DOCK7: variants seen among roughly 807,000 people sequenced by gnomAD.
DOCK7 encodes dedicator of cytokinesis 7.
A neutral mutation model predicts 271.0 loss-of-function variants in DOCK7; 138 were observed. The observed-to-expected ratio is 0.51, with a 90% CI of 0.44 to 0.59. The LOEUF (loss-of-function observed/expected upper bound fraction) is 0.59, where lower values mean the gene tolerates loss of function less well. Among genes scored for constraint, DOCK7 ranks in the 20% least tolerant of loss-of-function variants. The pLI is 0.00. For missense variants in DOCK7, 2,066 were observed against 2,592.4 expected (o/e 0.80, Z 4.41); for synonymous variants, 823 against 876.1 (o/e 0.94, Z 1.07).
rs145099172 is a variant in DOCK7, at chr1:62,470,274, C to T, written c.6212+3708G>A. ...TAAATAGCATTCACAGCAACCTGTA[C>T]GGGATTAGAGATTATTTATTCTAAG... is the stretch of plus-strand genomic sequence containing the variant. On this transcript the variant is annotated intron_variant, in intron 48 of 49. Transcript: ENST00000635253. Among the ~76,000 whole-genome samples, 452 of 152,232 alleles carry T rather than the reference C, an allele frequency of 3.0e-3. 4 individuals carry two copies. The highest frequency in any genetic ancestry group is 0.01 in the African/African-American group (430 of 41,532).
chr1:62,493,747 T>G (rs1646534176), intron 40 of DOCK7, among the ~76,000 whole-genome samples: 1 of 152,338 alleles, frequency 6.6e-6, no homozygotes, highest in South Asian at 2.1e-4. Flanking sequence ...ATCTCAAACC[T>G]ACTATTAACA....
At chr1:62,536,555 AAG>A (rs1244124278) in intron 28 of DOCK7, among the ~76,000 whole-genome samples, 8 of 152,218 alleles carry the variant, frequency 5.3e-5, no homozygotes, top group Non-Finnish European at 1.0e-4. Flanking sequence ...AGCCAGACTG[AAG>A]AGTTTGTGGA....
intron 7 of DOCK7, among the ~76,000 whole-genome samples, chr1:62,637,363 T>C (rs1176816121): frequency 6.6e-6 from 1 of 152,206 alleles, no homozygotes; most frequent in Admixed American, 6.5e-5. Context: ...TAATATATAA[T>C]GTGAGGTTAA....
intron 14 of DOCK7, chr1:62,604,916 GA>G (rs748061933): frequency 2.0e-4 from 264 of 1,291,784 alleles, no homozygotes; most frequent in Non-Finnish European, 2.8e-4. Context: ...GAAAGCTTGA[GA>G]AATAGATTTT....
intron 14 of DOCK7, chr1:62,604,314 A>G (rs1484581859): frequency 1.5e-5 from 23 of 1,546,718 alleles, no homozygotes; most frequent in Non-Finnish European, 1.9e-5. Flanking sequence ...ATCTGCAATG[A>G]CAACTTTTAA....
At position 62,634,935 on chromosome 1, in the gene DOCK7, A is replaced by G; in HGVS notation, c.886-13T>C. On this transcript the variant is annotated splice_polypyrimidine_tract_variant and intron_variant, in intron 8 of 49. Transcript: ENST00000635253. ...AGTTTTCTGAAATCTAAAAAATATT[A>G]GTATGTTAAACTTTAAAATATGTAC... 1 of 1,564,442 alleles carries G rather than the reference A, an allele frequency of 6.4e-7. No individual in the cohort carries two copies. Among genetic ancestry groups the G allele is most frequent in the Non-Finnish European group, 8.8e-7 (1 of 1,141,502 alleles).
chr1:62,551,001 A>G (rs539039110), intron 22 of DOCK7, among the ~76,000 whole-genome samples: 2 of 152,246 alleles, frequency 1.3e-5, no homozygotes, highest in East Asian at 3.9e-4. Context: ...GATTACAGGC[A>G]TGAGCCACCA....
chr1:62,614,630 A>G (rs1347036516), intron 14 of DOCK7, among the ~76,000 whole-genome samples: 1 of 151,996 alleles, frequency 6.6e-6, no homozygotes, highest in Non-Finnish European at 1.5e-5. Context: ...AAAAACAATA[A>G]CAACTTCTAT....
At chr1:62,649,098 CAGTT>C (rs1385589160) in intron 4 of DOCK7, among the ~76,000 whole-genome samples, 3 of 152,040 alleles carry the variant, frequency 2.0e-5, no homozygotes, top group Non-Finnish European at 4.4e-5. Context: ...CATATATACA[CAGTT>C]AGCTAAAAAC....
chr1:62,668,440 T>C (rs758777191), intron 1 of DOCK7, among the ~76,000 whole-genome samples: 3 of 152,232 alleles, frequency 2.0e-5, no homozygotes. Context: ...CTGTAAAATA[T>C]ATTTTGGGGG....
intron 44 of DOCK7, chr1:62,477,177 T>C (rs1057110628): frequency 3.3e-5 from 5 of 152,124 alleles, no homozygotes; most frequent in African/African-American, 1.2e-4. Context: ...CAGAAAATAC[T>C]AGTTAGCCCA....
intron 1 of DOCK7, among the ~76,000 whole-genome samples, chr1:62,676,563 T>C (rs1007255527): frequency 5.3e-5 from 8 of 152,032 alleles, no homozygotes; most frequent in African/African-American, 1.9e-4. Flanking sequence ...TTTCTAAGGA[T>C]CTGGGTTGGA....
intron 14 of DOCK7, chr1:62,597,670 C>A: frequency 6.2e-7 from 1 of 1,613,484 alleles, no homozygotes; most frequent in South Asian, 1.1e-5. Context: ...GAGCCAAAAT[C>A]AAGATTTGCT....
chr1:62,480,917 G>A (rs1426698172), intron 43 of DOCK7, among the ~76,000 whole-genome samples: 1 of 146,514 alleles, frequency 6.8e-6, no homozygotes, highest in Non-Finnish European at 1.5e-5. Context: ...GCTGAGGCAC[G>A]AGAATGGCGT....
intron 14 of DOCK7, chr1:62,601,176 T>C: frequency 6.2e-7 from 1 of 1,605,804 alleles, no homozygotes; most frequent in Non-Finnish European, 8.5e-7. Flanking sequence ...TTGAATGAAA[T>C]AAGAAATGTA....
chr1:62,639,428 T>C (rs1482237723), intron 7 of DOCK7, among the ~76,000 whole-genome samples: 1 of 119,424 alleles, frequency 8.4e-6, no homozygotes, highest in Non-Finnish European at 1.7e-5. Context: ...GTAATACTCT[T>C]TTTTTTTTTT....
chr1:62,539,856 T>G lies in DOCK7; in HGVS notation c.3082A>C (p.Lys1028Gln), dbSNP rs763072939. 1 of 1,613,204 alleles carries G rather than the reference T, an allele frequency of 6.2e-7. No individual in the cohort carries two copies. Among genetic ancestry groups the G allele is most frequent in the East Asian group, 2.2e-5 (1 of 44,802 alleles). ...CGACTTTTCCTTGGAGCCTCAAGTT[T>G]ATCATTAAAGTATAAATGGTGCACC... ...SMVHHLYFNDKLEAPRKSRFP... is the reference protein window; with the variant it reads ...SMVHHLYFNDQLEAPRKSRFP... The change falls in exon 26 of 50, where the codon AAA (lysine) becomes CAA (glutamine). Residue 1028 changes from lysine to glutamine, a missense_variant. This residue lies in a region of DOCK7 where 1,414 missense variants were observed against 1,670.4 expected (regional missense o/e 0.85). Transcript: ENST00000635253.
At chr1:62,573,062 A>C (rs1187455981) in intron 18 of DOCK7, among the ~76,000 whole-genome samples, 3 of 152,230 alleles carry the variant, frequency 2.0e-5, no homozygotes, top group Admixed American at 2.0e-4. Context: ...AGTAAATAAA[A>C]CAGAATTAAA....
At position 62,539,885 on chromosome 1, in the gene DOCK7, C is replaced by A; in HGVS notation, c.3053G>T (p.Ser1018Ile). Residue 1018 changes from serine to isoleucine, a missense_variant, in exon 26 of 50, where the codon AGC (serine) becomes ATC (isoleucine). Ser to Ile is a moderately radical substitution (Grantham distance 142, BLOSUM62 -2). This residue lies in a region of DOCK7 where 1,414 missense variants were observed against 1,670.4 expected (regional missense o/e 0.85). Transcript: ENST00000635253. ...AWFFFELMVK[S>I]MVHHLYFNDK... Reference sequence around the variant, plus strand: ...ATTAAAGTATAAATGGTGCACCATGCTCTTTACCTGAAAAAAAGATATAAA... The same window carrying A: ...ATTAAAGTATAAATGGTGCACCATGATCTTTACCTGAAAAAAAGATATAAA... 6.3e-7 allele frequency: 1 copy of A among 1,585,362 alleles called. No homozygotes were observed. The highest frequency in any genetic ancestry group is 8.5e-7 in the Non-Finnish European group (1 of 1,169,678).
Sources: allele counts gnomAD v4.1 joint callset (sites outside exome capture counted in the v4.1 genomes callset), GRCh38; gene constraint gnomAD v4.1.1; regional missense constraint gnomAD v4.1.1; transcripts MANE v1.5; gene names NCBI Gene and HGNC (gene_info 2026-07-23, HGNC 2026-07-21).